Variants in TRANK1 observed in about 807,000 individuals in gnomAD.
TRANK1 encodes the protein tetratricopeptide repeat and ankyrin repeat containing 1.
TRANK1 carries 198 observed loss-of-function variants against 266.0 expected under a neutral mutation model. The observed-to-expected ratio is 0.74, with a 90% confidence interval of 0.66 to 0.84. The LOEUF is 0.84. Among genes scored for constraint, TRANK1 ranks in the 40% least tolerant of loss-of-function variants. The pLI, the probability that TRANK1 is intolerant of heterozygous loss-of-function variation, is 0.00. For synonymous variants in TRANK1, 1,396 were observed against 1,384.1 expected (o/e 1.01, Z -0.19); for missense variants, 3,326 against 3,634.6 (o/e 0.92, Z 2.18).
At chr3:36,884,327 T>G (rs1035332259) in intron 8 of TRANK1, among the ~76,000 whole-genome samples, 25 of 152,124 alleles carry the variant, frequency 1.6e-4, no homozygotes, top group African/African-American at 6.0e-4. Context: ...CCTCTAACAT[T>G]CTCCAATAGG....
rs750727898 is a variant in TRANK1 at position 36,832,863 on chromosome 3, T to G, written c.6720A>C (p.Lys2240Asn). 1.2e-6 allele frequency: 2 copies of G among 1,613,780 alleles called. No homozygotes were observed. Among genetic ancestry groups the G allele is most frequent in the African/African-American group, 2.7e-5 (2 of 74,936 alleles). Reference sequence around the variant, plus strand: ...CTTCTGCTAAGATTTTAGGGAATACTTTTTTGGCTTCCAAAAGCAACCCGT... The same window carrying G: ...CTTCTGCTAAGATTTTAGGGAATACGTTTTTGGCTTCCAAAAGCAACCCGT... ...AINGLLLEAK[K>N]VFPKILAEEL... Residue 2240 changes from lysine (K) to asparagine (N), a missense_variant, in exon 22 of 24, where the codon AAA (lysine) becomes AAC (asparagine). By Grantham distance (94) the Lys-to-Asn change is moderately conservative. Coordinates refer to ENST00000645898, the MANE Select transcript of TRANK1 (RefSeq NM_001329998.2).
At chr3:36,896,893 C>G (rs570440303) in intron 4 of TRANK1, among the ~76,000 whole-genome samples, 18 of 152,302 alleles carry the variant, frequency 1.2e-4, no homozygotes, top group African/African-American at 3.4e-4. Flanking sequence ...ACTAGGGAGG[C>G]TGAGGCAGGA....
At chr3:36,932,284 T>C (rs1309139255) in intron 1 of TRANK1, among the ~76,000 whole-genome samples, 1 of 152,192 alleles carries the variant, frequency 6.6e-6, no homozygotes, top group Non-Finnish European at 1.5e-5. Flanking sequence ...AAATGTTAAA[T>C]GCACAGCAGA....
intron 14 of TRANK1, 131 bp downstream of exon 14, chr3:36,852,015 A>G: frequency 1.5e-6 from 2 of 1,362,418 alleles, no homozygotes; most frequent in Non-Finnish European, 2.0e-6. Flanking sequence ...TCACTCAGCC[A>G]TCTCTGGAAC....
intron 9 of TRANK1, among the ~76,000 whole-genome samples, chr3:36,873,356 T>G (rs1459499038): frequency 1.3e-5 from 2 of 151,980 alleles, no homozygotes; most frequent in Non-Finnish European, 2.9e-5. Flanking sequence ...GCCATAGGAG[T>G]CATGTATGAG....
At chr3:36,928,720 T>A (rs2080322175) in intron 1 of TRANK1, among the ~76,000 whole-genome samples, 1 of 152,206 alleles carries the variant, frequency 6.6e-6, no homozygotes, top group South Asian at 2.1e-4. Context: ...GAGCATTTTT[T>A]AAAAGCTCCT....
In TRANK1 at chr3:36,918,600, AAGGAAG is replaced by A. The variant is rs2080168675; in HGVS notation, c.24-10152_24-10147del. Among the ~76,000 whole-genome samples the A allele has an allele frequency of 3.0e-5, 4 of 135,128 alleles. 1 individual carries two copies. The highest frequency in any genetic ancestry group is 2.5e-4 in the South Asian group (1 of 4,052). 88.6% of individuals were successfully genotyped at this position (135,128 alleles called of 152,430 possible). On this transcript the variant is annotated intron_variant, in intron 1 of 23. Transcript: ENST00000645898. ...GAAGGAAGGAAGGAAGGAAGGAAGG[AAGGAAG>A]GAAAGAAAGAAAGAAAGAAAGAAAG...
At chr3:36,910,556 A>G (rs369294371) in intron 1 of TRANK1, among the ~76,000 whole-genome samples, 4 of 151,870 alleles carry the variant, frequency 2.6e-5, no homozygotes, top group South Asian at 4.1e-4. Flanking sequence ...CCTGGCCAAC[A>G]TGATGAAACG....
intron 9 of TRANK1, among the ~76,000 whole-genome samples, chr3:36,873,814 T>C (rs2079344272): frequency 6.6e-6 from 1 of 151,980 alleles, no homozygotes; most frequent in African/African-American, 2.4e-5. Flanking sequence ...TTATCTCATA[T>C]TCTGTCTAAT....
chr3:36,832,342 A>G lies in TRANK1; in HGVS notation c.7241T>C (p.Ile2414Thr), dbSNP rs1382271119. Residue 2414 changes from isoleucine (I) to threonine (T), a missense_variant, in exon 22 of 24, where the codon ATT (isoleucine) becomes ACT (threonine). Physicochemically the swap from Ile to Thr is moderately conservative, Grantham distance 89. Coordinates refer to ENST00000645898, the MANE Select transcript of TRANK1 (RefSeq NM_001329998.2). ...GTTCCTGTACACGTAGAATTGATCAATGCAATTCTCCAGAAGCCGGATGAA... is the reference window on the plus strand; with the variant it reads ...GTTCCTGTACACGTAGAATTGATCAGTGCAATTCTCCAGAAGCCGGATGAA... ...LCFIRLLENC[I>T]DQFYVYRNPE... is the part of the protein sequence containing the mutation. 5 of 1,613,862 alleles carry G rather than the reference A, an allele frequency of 3.1e-6. No homozygotes were observed. The highest frequency in any genetic ancestry group is 1.3e-5 in the African/African-American group (1 of 74,902).
At position 36,856,667 on chromosome 3, in the gene TRANK1, C is replaced by T. The variant is rs1410960191; in HGVS notation, c.3055G>A (p.Ala1019Thr). 1 of 1,614,074 alleles carries T rather than the reference C, an allele frequency of 6.2e-7. No homozygotes were observed. Among genetic ancestry groups the T allele is most frequent in the South Asian group, 1.1e-5 (1 of 91,090 alleles). Residue 1019 changes from alanine (A) to threonine (T), a missense_variant, in exon 13 of 24, where the codon GCA becomes ACA. By Grantham distance (58) the Ala-to-Thr change is moderately conservative (BLOSUM62 0). Transcript: ENST00000645898. Reference protein sequence around the residue: ...VNPEYFPPASAVETEYNIMKF... With the variant: ...VNPEYFPPASTVETEYNIMKF... The stretch of plus-strand genomic sequence containing the variant: ...ATGATGTTATATTCTGTCTCCACTG[C>T]ACTGGCTGGGGGAAAGTACTCAGGA...
Position 36,864,409 on chromosome 3 carries a change from A to C in TRANK1, c.1150T>G (p.Tyr384Asp). 1.3e-6 allele frequency: 2 copies of C among 1,537,046 alleles called. No homozygotes were observed. Among genetic ancestry groups the C allele is most frequent in the Non-Finnish European group, 1.7e-6 (2 of 1,146,798 alleles). Residue 384 changes from tyrosine to aspartate, a missense_variant, in exon 10 of 24, where the codon TAT becomes GAT. Transcript: ENST00000645898. ...FRKVLEQLVK[Y>D]MNSGNRLLHK... ...AATAACCGGTTTCCTGAGTTCATAT[A>C]CTTCACCAGCTGCTCCAAGACCTTC...
intron 1 of TRANK1, among the ~76,000 whole-genome samples, chr3:36,931,952 A>G (rs1032162845): frequency 5.3e-5 from 8 of 152,288 alleles, no homozygotes; most frequent in Admixed American, 5.2e-4. Context: ...TAGAAATAAA[A>G]TTATTTACCC....
chr3:36,832,652 T>C lies in TRANK1; in HGVS notation c.6931A>G (p.Ile2311Val), dbSNP rs1224100621. ...CTTTCATTTTCAAACAGAAAGTGGA[T>C]GTACTCCTTCAAAGCAAATCTGTAG... is the stretch of plus-strand genomic sequence containing the variant. ...RFYRFALKEYIHFLFENESAR... is the reference protein window; with the variant it reads ...RFYRFALKEYVHFLFENESAR... Residue 2311 changes from isoleucine to valine, a missense_variant, in exon 22 of 24, where the codon ATC becomes GTC. Coordinates refer to ENST00000645898, the MANE Select transcript of TRANK1 (RefSeq NM_001329998.2). 2 of 1,613,914 alleles carry C rather than the reference T, an allele frequency of 1.2e-6. No individual in the cohort carries two copies. Among genetic ancestry groups the C allele is most frequent in the Non-Finnish European group, 1.7e-6 (2 of 1,179,902 alleles).
rs2078982122 is a variant in TRANK1, at chr3:36,851,344, T to C, written c.4887+375A>G. Reference sequence around the variant, plus strand: ...GAACTGACCTTACCCAGTTCTGTCATCACAGGGTGGACATTGCTAACCTTG... The same window carrying C: ...GAACTGACCTTACCCAGTTCTGTCACCACAGGGTGGACATTGCTAACCTTG... On this transcript the variant is annotated intron_variant, in intron 15 of 23. Transcript: ENST00000645898. 7 of 1,008,234 alleles carry C rather than the reference T, an allele frequency of 6.9e-6. No homozygotes were observed. The South Asian group carries it at 2.3e-4, about 32-fold the overall frequency. 62.5% of individuals were successfully genotyped at this position (1,008,234 alleles called of 1,614,324 possible).
intron 11 of TRANK1, among the ~76,000 whole-genome samples, chr3:36,859,318 G>A (rs1002789480): frequency 1.3e-5 from 2 of 149,686 alleles, no homozygotes; most frequent in Admixed American, 6.6e-5. Flanking sequence ...TGTGCAGAAC[G>A]TGCAGGTTTG....
chr3:36,870,470 T>C (rs1420462411), intron 9 of TRANK1, among the ~76,000 whole-genome samples: 5 of 151,658 alleles, frequency 3.3e-5, no homozygotes, highest in Non-Finnish European at 7.4e-5. Flanking sequence ...TTGGGAAATA[T>C]ACAACTCCAC....
chr3:36,839,604 T>G (rs1187856510), intron 18 of TRANK1, among the ~76,000 whole-genome samples: 1 of 152,244 alleles, frequency 6.6e-6, no homozygotes, highest in Non-Finnish European at 1.5e-5. Context: ...TTTCCCTGTC[T>G]TGTTAACTTC....
chr3:36,854,121 G>A (rs543732967), intron 13 of TRANK1, among the ~76,000 whole-genome samples: 23 of 152,258 alleles, frequency 1.5e-4, no homozygotes, highest in African/African-American at 5.3e-4. Flanking sequence ...AGCACTTTGG[G>A]AGCCTGAGGT....
Sources: gnomAD v4.1 joint callset for allele counts (sites outside exome capture counted in the v4.1 genomes callset) on GRCh38, gnomAD v4.1.1 for gene constraint, MANE v1.5 for transcripts, NCBI Gene and HGNC (gene_info 2026-07-23, HGNC 2026-07-21) for gene names.